Variants in RTN4R observed in about 807,000 individuals in gnomAD.
The protein encoded by RTN4R is reticulon-4 receptor.
RTN4R carries 4 observed loss-of-function variants against 27.7 expected under a neutral mutation model. The observed-to-expected ratio is 0.14, with a 90% confidence interval of 0.07 to 0.33. The LOEUF (loss-of-function observed/expected upper bound fraction) is 0.33. Among genes scored for constraint, RTN4R ranks in the 10% least tolerant of loss-of-function variants. The probability of loss-of-function intolerance (pLI) is 1.00; values close to 1 mark genes in which losing one functional copy is unlikely to be tolerated. For missense variants in RTN4R, 554 were observed against 671.5 expected (o/e 0.83, Z 1.93); for synonymous variants, 290 against 305.6 (o/e 0.95, Z 0.53).
In RTN4R at chr22:20,241,459, C is replaced by T. The variant is rs2051104815; in HGVS notation, c.*252G>A. 1.2e-5 allele frequency: 7 copies of T among 560,460 alleles called. No individual in the cohort carries two copies. The highest frequency in any genetic ancestry group is 2.2e-5 in the Non-Finnish European group (7 of 316,150). The allele number at this position is 560,460 out of a possible 1,614,324, so 34.7% of individuals were successfully genotyped here. On this transcript the variant is annotated 3_prime_UTR_variant, in exon 2 of 2. Coordinates refer to ENST00000043402, the MANE Select transcript of RTN4R (RefSeq NM_023004.6). The stretch of plus-strand genomic sequence containing the variant: ...TTCCACGTCGTCCGATATTTTTACA[C>T]AAGTAAAATAAAATGCATATCTCTA...
chr22:20,241,598 A>ACCTGG lies in RTN4R; in HGVS notation c.*108_*112dup. ...GGGCGGCAGGCGTCCATCAGGGAGG[A>ACCTGG]CCTGGCCTGGCCTGCCCCACGGGTC... On this transcript the variant is annotated 3_prime_UTR_variant, in exon 2 of 2. Transcript: ENST00000043402. The ACCTGG allele has an allele frequency of 1.4e-5, 16 of 1,173,704 alleles. No individual in the cohort carries two copies. In the Admixed American group the frequency reaches 2.9e-4, roughly 21 times the overall value. The allele number at this position is 1,173,704 out of a possible 1,614,324, so 72.7% of individuals were successfully genotyped here.
chr22:20,243,127 G>A lies in RTN4R; in HGVS notation c.23-17C>T. On this transcript the variant is annotated splice_polypyrimidine_tract_variant and intron_variant, in intron 1 of 1. Coordinates refer to ENST00000043402, the MANE Select transcript of RTN4R (RefSeq NM_023004.6). The stretch of plus-strand genomic sequence containing the variant: ...GCCGGCTCCCTGTGGGCAGAAGACA[G>A]AGTGGTTAGCAGGAAGGGCAGGGGT... 3 of 1,597,598 alleles carry A rather than the reference G, an allele frequency of 1.9e-6. No individual in the cohort carries two copies. Among genetic ancestry groups the A allele is most frequent in the Non-Finnish European group, 2.5e-6 (3 of 1,179,140 alleles).
chr22:20,242,799 G>A lies in RTN4R; in HGVS notation c.334C>T (p.Leu112Phe). ...TGLALLEQLDLSDNAQLRSVD... is the reference protein window; with the variant it reads ...TGLALLEQLDFSDNAQLRSVD... ...GACCGGAGCTGTGCATTATCGCTGA[G>A]GTCCAGCTGCTCCAGGAGGGCCAGG... The change falls in exon 2 of 2, where the codon CTC (leucine) becomes TTC (phenylalanine). Residue 112 changes from leucine (L) to phenylalanine (F), a missense_variant. Around this residue, in one of 2 missense-constraint regions of RTN4R, gnomAD observed 413 missense variants for 542.3 expected, o/e 0.76. Transcript: ENST00000043402. 1.9e-6 allele frequency: 3 copies of A among 1,612,974 alleles called. No individual in the cohort carries two copies. The highest frequency in any genetic ancestry group is 1.1e-5 in the South Asian group (1 of 91,082).
At position 20,241,633 on chromosome 22, in the gene RTN4R, G is replaced by T; in HGVS notation, c.*78C>A. 1 of 1,514,382 alleles carries T rather than the reference G, an allele frequency of 6.6e-7. No homozygotes were observed. The highest frequency in any genetic ancestry group is 8.9e-7 in the Non-Finnish European group (1 of 1,118,752). 93.8% of individuals were successfully genotyped at this position (1,514,382 alleles called of 1,614,324 possible). ...GCCTGCCCCACGGGTCGGCCGCCCG[G>T]CTGGCTTGGCGGCGTGGAGAGAGAC... On this transcript the variant is annotated 3_prime_UTR_variant, in exon 2 of 2. Transcript: ENST00000043402.
At chr22:20,252,743 G>A (rs2051191530) in intron 1 of RTN4R, among the ~76,000 whole-genome samples, 2 of 152,266 alleles carry the variant, frequency 1.3e-5, no homozygotes, top group Non-Finnish European at 1.5e-5. Context: ...AGCCCAGGAG[G>A]CTGCCCTCCC....
In RTN4R at chr22:20,242,473, A is replaced by T. The variant is rs1569033688; in HGVS notation, c.660T>A (p.His220Gln). 6.2e-7 allele frequency: 1 copy of T among 1,613,686 alleles called. No individual in the cohort carries two copies. The highest frequency in any genetic ancestry group is 8.5e-7 in the Non-Finnish European group (1 of 1,179,972). Reference sequence around the variant, plus strand: ...TGAGGCGGCCAAGGTCACGGAAGGCATGCGGGTGCACATGGGCCACGCGGT... The same window carrying T: ...TGAGGCGGCCAAGGTCACGGAAGGCTTGCGGGTGCACATGGGCCACGCGGT... ...HQNRVAHVHP[H>Q]AFRDLGRLMT... is the part of the protein sequence containing the mutation. Residue 220 changes from histidine (H) to glutamine (Q), a missense_variant, in exon 2 of 2, where the codon CAT becomes CAA. Physicochemically the swap from His to Gln is conservative, Grantham distance 24. Transcript: ENST00000043402.
chr22:20,253,376 T>G (rs139563468), intron 1 of RTN4R, among the ~76,000 whole-genome samples: 4 of 152,322 alleles, frequency 2.6e-5, no homozygotes, highest in African/African-American at 4.8e-5. Context: ...TCACCCACCA[T>G]GTGTTAGACA....
intron 1 of RTN4R, among the ~76,000 whole-genome samples, chr22:20,250,675 A>G (rs960160177): frequency 1.1e-4 from 17 of 152,264 alleles, no homozygotes; most frequent in African/African-American, 4.1e-4. Flanking sequence ...CAAGAAAGAG[A>G]CTCAGAAATA....
intron 1 of RTN4R, among the ~76,000 whole-genome samples, chr22:20,250,750 C>G (rs917650940): frequency 2.0e-5 from 3 of 152,316 alleles, no homozygotes; most frequent in East Asian, 1.9e-4. Context: ...AGGAGTCTCA[C>G]AGTCAAATAT....
At position 20,241,857 on chromosome 22, in the gene RTN4R, G is replaced by C. The variant is rs1042604998; in HGVS notation, c.1276C>G (p.Arg426Gly). 4 of 1,609,586 alleles carry C rather than the reference G, an allele frequency of 2.5e-6. No individual in the cohort carries two copies. Among genetic ancestry groups the C allele is most frequent in the African/African-American group, 1.3e-5 (1 of 74,890 alleles). ...GCCTGGCCCAGACGGCAGTGGCTGC[G>C]GGTGCGGTTCTTGCGTGAACAGCCT... Reference protein sequence around the residue: ...RPGCSRKNRTRSHCRLGQAGS... With the variant: ...RPGCSRKNRTGSHCRLGQAGS... The change falls in exon 2 of 2, where the codon CGC becomes GGC. Residue 426 changes from arginine to glycine, a missense_variant. This residue lies in a region of RTN4R where 141 missense variants were observed against 129.2 expected (regional missense o/e 1.09). Transcript: ENST00000043402.
At chr22:20,249,359 G>T (rs781037089) in intron 1 of RTN4R, 8 of 417,078 alleles carry the variant, frequency 1.9e-5, no homozygotes, top group Non-Finnish European at 3.5e-5. Context: ...GCCCTGCAGG[G>T]CCCACATCCA....
chr22:20,261,312 G>A (rs1445778693), intron 1 of RTN4R, among the ~76,000 whole-genome samples: 1 of 152,198 alleles, frequency 6.6e-6, no homozygotes, highest in East Asian at 1.9e-4. Flanking sequence ...AAGGCCCTAA[G>A]GCCCCAATCA....
At chr22:20,261,387 G>A (rs2051245686) in intron 1 of RTN4R, among the ~76,000 whole-genome samples, 1 of 152,204 alleles carries the variant, frequency 6.6e-6, no homozygotes, top group Admixed American at 6.5e-5. Flanking sequence ...GGCCTGGCCT[G>A]GAAGAAGGGG....
intron 1 of RTN4R, among the ~76,000 whole-genome samples, chr22:20,263,466 T>TAAA (rs2051259331): frequency 6.6e-6 from 1 of 152,252 alleles, no homozygotes; most frequent in Non-Finnish European, 1.5e-5. Context: ...CCTTATGTGA[T>TAAA]ACCCCCAACA....
In RTN4R at chr22:20,252,628, A is replaced by T. The variant is rs907922065; in HGVS notation, c.23-9518T>A. Among the ~76,000 whole-genome samples the T allele has an allele frequency of 2.0e-5, 3 of 151,980 alleles. No individual in the cohort carries two copies. The South Asian group carries it at 6.2e-4, about 32-fold the overall frequency. On this transcript the variant is annotated intron_variant, in intron 1 of 1. Transcript: ENST00000043402. ...CTTCATCACCACTATCCTTATCACCATCATCATCCCCAGGCGACCAGAGCA... is the reference window on the plus strand; with the variant it reads ...CTTCATCACCACTATCCTTATCACCTTCATCATCCCCAGGCGACCAGAGCA...
Position 20,242,221 on chromosome 22 carries a change from A to T in RTN4R, c.912T>A (p.Asn304Lys). ...AGRDLKRLAA[N>K]DLQGCAVATG... ...TGGCCACAGCGCAGCCCTGCAGGTC[A>T]TTGGCAGCTAGGCGTTTGAGGTCAC... The change falls in exon 2 of 2, where the codon AAT (asparagine) becomes AAA (lysine). Residue 304 changes from asparagine (N) to lysine (K), a missense_variant. Asn to Lys is a moderately conservative substitution (Grantham distance 94, BLOSUM62 0). Transcript: ENST00000043402. 2 of 1,606,596 alleles carry T rather than the reference A, an allele frequency of 1.2e-6. No individual in the cohort carries two copies. Among genetic ancestry groups the T allele is most frequent in the Non-Finnish European group, 1.7e-6 (2 of 1,177,256 alleles).
chr22:20,258,312 C>G (rs991502951), intron 1 of RTN4R, among the ~76,000 whole-genome samples: 6 of 152,168 alleles, frequency 3.9e-5, no homozygotes, highest in Non-Finnish European at 8.8e-5. Context: ...GGGCTCTTCT[C>G]CCCCAGCCCC....
intron 1 of RTN4R, among the ~76,000 whole-genome samples, chr22:20,266,826 G>A (rs144589716): frequency 1.8e-3 from 278 of 152,360 alleles, no homozygotes; most frequent in African/African-American, 6.2e-3. Flanking sequence ...CTATGTGCCC[G>A]CAGGCACACA....
At chr22:20,246,343 C>T (rs889664791) in intron 1 of RTN4R, among the ~76,000 whole-genome samples, 4 of 152,230 alleles carry the variant, frequency 2.6e-5, no homozygotes, top group African/African-American at 9.6e-5. Flanking sequence ...GTCCAGGACG[C>T]ATCCCCCTGA....
Sources: gnomAD v4.1 joint callset for allele counts (sites outside exome capture counted in the v4.1 genomes callset) on GRCh38, gnomAD v4.1.1 for gene constraint, gnomAD v4.1.1 regional missense constraint, MANE v1.5 for transcripts, NCBI Gene and HGNC (gene_info 2026-07-23, HGNC 2026-07-21) for gene names.